Variants in MVB12B observed in about 807,000 individuals in gnomAD.
The protein encoded by MVB12B is multivesicular body subunit 12B.
A neutral mutation model predicts 41.6 loss-of-function variants in MVB12B; 16 were observed. The observed-to-expected ratio is 0.38, with a 90% CI of 0.26 to 0.58. The LOEUF (loss-of-function observed/expected upper bound fraction) is 0.58. Ranked by LOEUF, MVB12B falls within the 20% of genes least tolerant of loss-of-function variation. MVB12B has a pLI of 0.62. For missense variants in MVB12B, 274 were observed against 380.2 expected, an observed-to-expected ratio of 0.72 and a Z score of 2.32; for synonymous variants, 133 against 139.7, an observed-to-expected ratio of 0.95 and a Z score of 0.34.
intron 7 of MVB12B, chr9:126,427,112 TG>T (rs1450856959): frequency 6.6e-6 from 1 of 152,146 alleles, no homozygotes; most frequent in Non-Finnish European, 1.5e-5. Context: ...TTTACCACCT[TG>T]CGGGGGGGAG....
intron 6 of MVB12B, among the ~76,000 whole-genome samples, chr9:126,421,360 C>T (rs972756173): frequency 2.0e-5 from 3 of 152,244 alleles, no homozygotes; most frequent in Admixed American, 6.5e-5. Flanking sequence ...GTCTCCTGAA[C>T]TCATATGGCA....
chr9:126,351,134 T>C (rs1829735156), intron 2 of MVB12B, among the ~76,000 whole-genome samples: 1 of 152,238 alleles, frequency 6.6e-6, no homozygotes, highest in Admixed American at 6.5e-5. Context: ...TATTTATTTT[T>C]AGATTTTGAG....
intron 6 of MVB12B, among the ~76,000 whole-genome samples, chr9:126,404,717 A>G (rs1345360526): frequency 2.0e-5 from 3 of 152,208 alleles, no homozygotes; most frequent in East Asian, 3.8e-4. Context: ...CTGAGGGAAC[A>G]TGTGGAGGCC....
intron 1 of MVB12B, among the ~76,000 whole-genome samples, chr9:126,339,008 G>A (rs957007577): frequency 2.0e-5 from 3 of 152,196 alleles, no homozygotes; most frequent in Non-Finnish European, 4.4e-5. Flanking sequence ...TGGCCGTTTA[G>A]AAGCTTATTT....
Position 126,395,957 on chromosome 9 carries a change from C to T in MVB12B, c.662+260C>T, listed in dbSNP as rs1831102078. On this transcript the variant is annotated intron_variant, in intron 6 of 9. Coordinates refer to ENST00000361171, the MANE Select transcript of MVB12B (RefSeq NM_033446.3). The surrounding 1 kb of genome is among the most constrained non-coding windows in gnomAD (Gnocchi z 4.9). Reference sequence around the variant, plus strand: ...TGCAGATTATGCAACTTAAAATTGGCTCCCTATTCAAAAGAGCTGCTAGCT... The same window carrying T: ...TGCAGATTATGCAACTTAAAATTGGTTCCCTATTCAAAAGAGCTGCTAGCT... The T allele has an allele frequency of 2.3e-6, 3 of 1,287,138 alleles. No homozygotes were observed. The highest frequency in any genetic ancestry group is 1.5e-5 in the African/African-American group (1 of 66,672). The allele number at this position is 1,287,138 out of a possible 1,614,324, so 79.7% of individuals were successfully genotyped here.
chr9:126,336,358 G>A (rs988806434), intron 1 of MVB12B, among the ~76,000 whole-genome samples: 3 of 152,208 alleles, frequency 2.0e-5, no homozygotes, highest in Non-Finnish European at 2.9e-5. Context: ...CTTTGATTCC[G>A]AAACAATGTT....
chr9:126,457,038 C>T (rs1588187874), intron 7 of MVB12B, among the ~76,000 whole-genome samples: 1 of 152,222 alleles, frequency 6.6e-6, no homozygotes, highest in African/African-American at 2.4e-5. Context: ...CTTCCACAGT[C>T]AGAAGCCCTT....
At chr9:126,370,122 A>G (rs7860066) in intron 2 of MVB12B, among the ~76,000 whole-genome samples, 125,053 of 152,172 alleles carry the variant, frequency 0.82, 51,845 homozygotes, top group South Asian at 0.91. Flanking sequence ...ATGCAATACT[A>G]TAAACAATGT....
At chr9:126,401,868 T>C (rs1397144530) in intron 6 of MVB12B, among the ~76,000 whole-genome samples, 1 of 152,262 alleles carries the variant, frequency 6.6e-6, no homozygotes, top group East Asian at 1.9e-4. Context: ...GGAGCCTTGT[T>C]GTCCACACTG....
chr9:126,435,432 T>C lies in MVB12B; in HGVS notation c.757+13484T>C, dbSNP rs879598. ...CAGAAATGTGTAATTGCTGGAGATG[T>C]TAGCTTGCTACTGGGTAAAATGATT... On this transcript the variant is annotated intron_variant, in intron 7 of 9. Transcript: ENST00000361171. Among the ~76,000 whole-genome samples the C allele has an allele frequency of 0.012, 1,830 of 152,298 alleles. 88 individuals are homozygous for C. The East Asian group carries it at 0.16, about 13-fold the overall frequency.
chr9:126,503,635 C>T lies in MVB12B; in HGVS notation c.*372C>T, dbSNP rs1479663424. 1.7e-5 allele frequency: 5 copies of T among 294,378 alleles called. No individual in the cohort carries two copies. Among genetic ancestry groups the T allele is most frequent in the Non-Finnish European group, 3.2e-5 (5 of 156,868 alleles). The allele number at this position is 294,378 out of a possible 1,614,324, so 18.2% of individuals were successfully genotyped here. A position where few individuals can be genotyped will look rare whatever the true frequency, so the allele number is the denominator to read the frequency against. ...CGCCCACCGGCTCCCTCCGCTCCCT[C>T]CTGTCACCTACCAGGGCAGACCCCA... is the stretch of plus-strand genomic sequence containing the variant. On this transcript the variant is annotated 3_prime_UTR_variant, in exon 10 of 10. Coordinates refer to ENST00000361171, the MANE Select transcript of MVB12B (RefSeq NM_033446.3).
intron 6 of MVB12B, among the ~76,000 whole-genome samples, chr9:126,398,161 T>A (rs1446315009): frequency 6.6e-6 from 1 of 151,938 alleles, no homozygotes; most frequent in Non-Finnish European, 1.5e-5. Flanking sequence ...CGGGAAGCCC[T>A]CCCAGAGGCT....
At chr9:126,484,108 TAGGGATCCACTCCAAGAG>T (rs1242013989) in intron 9 of MVB12B, 76 bp downstream of exon 9, 2 of 1,394,250 alleles carry the variant, frequency 1.4e-6, no homozygotes, top group African/African-American at 2.8e-5. Context: ...TGTGTTCCCC[TAGGGATCCACTCCAAGAG>T]AGGGACAGGT....
chr9:126,335,442 G>A, intron 1 of MVB12B: 1 of 1,296,252 alleles, frequency 7.7e-7, no homozygotes. Context: ...GGAGGTGGCT[G>A]GGTTTGTGTG....
In MVB12B at chr9:126,467,368, G is replaced by A. The variant is rs541732969; in HGVS notation, c.758-14001G>A. ...CAGTGCATCCTGTTGGGAGGCCCAC[G>A]GTGCTGGTGTGACCCAGTACTGGTG... On this transcript the variant is annotated intron_variant, in intron 7 of 9. Coordinates refer to ENST00000361171, the MANE Select transcript of MVB12B (RefSeq NM_033446.3). Among the ~76,000 whole-genome samples, 8 of 152,300 alleles carry A rather than the reference G, an allele frequency of 5.3e-5. No homozygotes were observed. In the East Asian group the frequency reaches 1.2e-3, roughly 22 times the overall value.
At chr9:126,448,801 C>T (rs978735033) in intron 7 of MVB12B, among the ~76,000 whole-genome samples, 6 of 152,136 alleles carry the variant, frequency 3.9e-5, no homozygotes, top group Non-Finnish European at 8.8e-5. Context: ...GGGATCTGCC[C>T]CCTGATCCAG....
intron 9 of MVB12B, among the ~76,000 whole-genome samples, chr9:126,494,999 C>T (rs1459906129): frequency 6.6e-6 from 1 of 151,976 alleles, no homozygotes; most frequent in Non-Finnish European, 1.5e-5. Context: ...TGAGATCAGT[C>T]TGGACAACAT....
chr9:126,481,254 C>G, intron 7 of MVB12B, 115 bp from the exon 8 acceptor site: 1 of 899,914 alleles, frequency 1.1e-6, no homozygotes, highest in African/African-American at 1.6e-5. Context: ...CTGGATGTCA[C>G]CTGGCTCCAT....
chr9:126,346,366 G>A (rs1190482775), intron 2 of MVB12B, among the ~76,000 whole-genome samples: 1 of 152,166 alleles, frequency 6.6e-6, no homozygotes, highest in Non-Finnish European at 1.5e-5. Context: ...TGGGTTGAAT[G>A]TTGGGAGGTG....
Sources: gnomAD v4.1 joint callset for allele counts (sites outside exome capture counted in the v4.1 genomes callset) on GRCh38, gnomAD v4.1.1 for gene constraint, Gnocchi (gnomAD v3.1) non-coding constraint, MANE v1.5 for transcripts, NCBI Gene and HGNC (gene_info 2026-07-23, HGNC 2026-07-21) for gene names.